Variants in TMEFF1 observed in about 807,000 individuals in gnomAD.
The protein encoded by TMEFF1 is tomoregulin-1.
In TMEFF1, 20 loss-of-function variants were observed where a neutral mutation model predicts 47.5. The ratio of observed to expected loss-of-function variants is 0.42; its 90% CI spans 0.30 to 0.61. The LOEUF (loss-of-function observed/expected upper bound fraction) is 0.61, where lower values mean the gene tolerates loss of function less well. Among genes scored for constraint, TMEFF1 ranks in the 20% least tolerant of loss-of-function variants. TMEFF1 has a pLI of 0.19. For synonymous variants in TMEFF1, 162 were observed against 166.3 expected, an observed-to-expected ratio of 0.97 and a Z score of 0.20; for missense variants, 411 against 471.1, an observed-to-expected ratio of 0.87 and a Z score of 1.18.
At chr9:100,543,014 C>T (rs771792101) in intron 5 of TMEFF1, among the ~76,000 whole-genome samples, 10 of 151,466 alleles carry the variant, frequency 6.6e-5, no homozygotes, top group African/African-American at 1.5e-4. Flanking sequence ...GCGCAACCTC[C>T]GCCTCCTGGC....
At chr9:100,494,974 GAA>G (rs1308613834) in intron 1 of TMEFF1, among the ~76,000 whole-genome samples, 1 of 152,044 alleles carries the variant, frequency 6.6e-6, no homozygotes, top group African/African-American at 2.4e-5. Context: ...CAACAAATCT[GAA>G]ATAATCTCAG....
chr9:100,527,224 C>T (rs1297295187), intron 5 of TMEFF1, among the ~76,000 whole-genome samples: 1 of 151,972 alleles, frequency 6.6e-6, no homozygotes, highest in Non-Finnish European at 1.5e-5. Flanking sequence ...ATGCCTGGAT[C>T]CGGAGGGGAG....
chr9:100,500,572 T>C lies in TMEFF1; in HGVS notation c.306+1698T>C, dbSNP rs531009615. On this transcript the variant is annotated intron_variant, in intron 2 of 9. Transcript: ENST00000374879. ...AATTGTAGATTTTTTATGTTTAGAA[T>C]TTACAGTTTCTGTTTACCTGCTGGG... 2.0e-5 allele frequency among the ~76,000 whole-genome samples: 3 copies of C among 152,350 alleles called. No individual in the cohort carries two copies. In the South Asian group the frequency reaches 6.2e-4, roughly 32 times the overall value.
intron 4 of TMEFF1, among the ~76,000 whole-genome samples, chr9:100,515,475 A>C (rs1431850826): frequency 6.6e-6 from 1 of 152,078 alleles, no homozygotes; most frequent in African/African-American, 2.4e-5. Context: ...TACCTTTTTT[A>C]ACACTATCTT....
In TMEFF1 at chr9:100,541,576, G is replaced by A. The variant is rs544569467; in HGVS notation, c.561-6168G>A. 5.3e-5 allele frequency among the ~76,000 whole-genome samples: 8 copies of A among 151,844 alleles called. No individual in the cohort carries two copies. The South Asian group carries it at 6.2e-4, about 12-fold the overall frequency. On this transcript the variant is annotated intron_variant, in intron 5 of 9. Coordinates refer to ENST00000374879, the MANE Select transcript of TMEFF1 (RefSeq NM_003692.5). ...TTTTAGTAGAGATGGGTTTCACTAC[G>A]TTGGCCAGGTGGGTCTCAAACTCCT...
At chr9:100,483,594 T>A (rs1279291774) in intron 1 of TMEFF1, among the ~76,000 whole-genome samples, 1 of 152,240 alleles carries the variant, frequency 6.6e-6, no homozygotes, top group Admixed American at 6.5e-5. Flanking sequence ...CCAGAAGAGT[T>A]ATTTCCTTGA....
intron 8 of TMEFF1, among the ~76,000 whole-genome samples, chr9:100,571,486 A>G (rs763508182): frequency 6.6e-6 from 1 of 152,210 alleles, no homozygotes; most frequent in Non-Finnish European, 1.5e-5. Context: ...CACCACAGAC[A>G]TGATAACTAT....
At chr9:100,516,085 T>A (rs944794274) in intron 4 of TMEFF1, among the ~76,000 whole-genome samples, 1 of 152,170 alleles carries the variant, frequency 6.6e-6, no homozygotes, top group African/African-American at 2.4e-5. Flanking sequence ...TGTATCTGCA[T>A]ATTTTTGGCT....
intron 1 of TMEFF1, among the ~76,000 whole-genome samples, chr9:100,490,366 C>T (rs1837526479): frequency 6.6e-6 from 1 of 151,922 alleles, no homozygotes; most frequent in Non-Finnish European, 1.5e-5. Context: ...TTCTGATTTC[C>T]TGGGACTTGA....
intron 7 of TMEFF1, among the ~76,000 whole-genome samples, chr9:100,553,855 G>A (rs908160755): frequency 6.6e-6 from 1 of 152,036 alleles, no homozygotes; most frequent in Non-Finnish European, 1.5e-5. Context: ...GTTTTTAAAG[G>A]TGTAATTTAT....
At chr9:100,478,940 A>G (rs1260657081) in intron 1 of TMEFF1, among the ~76,000 whole-genome samples, 1 of 152,228 alleles carries the variant, frequency 6.6e-6, no homozygotes, top group Non-Finnish European at 1.5e-5. Context: ...CGTGATAGAT[A>G]TAAGGTAGAG....
At chr9:100,510,026 GT>G (rs1206544404) in intron 3 of TMEFF1, among the ~76,000 whole-genome samples, 1 of 152,138 alleles carries the variant, frequency 6.6e-6, no homozygotes, top group Non-Finnish European at 1.5e-5. Context: ...AAGGTTAGTG[GT>G]AAAGGTGAAG....
At chr9:100,537,038 T>C (rs1048639488) in intron 5 of TMEFF1, among the ~76,000 whole-genome samples, 3 of 152,226 alleles carry the variant, frequency 2.0e-5, no homozygotes, top group African/African-American at 7.2e-5. Context: ...CATGCTGAGA[T>C]AGATAATCTA....
At position 100,534,556 on chromosome 9, in the gene TMEFF1, A is replaced by G. The variant is rs567510374; in HGVS notation, c.561-13188A>G. Reference sequence around the variant, plus strand: ...AGCTGTAATCACTATAATCAGTAGTATCCGTGGCCTCTGGAGTCTCATATT... The same window carrying G: ...AGCTGTAATCACTATAATCAGTAGTGTCCGTGGCCTCTGGAGTCTCATATT... On this transcript the variant is annotated intron_variant, in intron 5 of 9. Coordinates refer to ENST00000374879, the MANE Select transcript of TMEFF1 (RefSeq NM_003692.5). 2.6e-5 allele frequency among the ~76,000 whole-genome samples: 4 copies of G among 152,332 alleles called. No homozygotes were observed. In the South Asian group the frequency reaches 8.3e-4, roughly 32 times the overall value.
intron 7 of TMEFF1, 64 bp from the exon 8 acceptor site, chr9:100,561,333 T>G: frequency 6.4e-7 from 1 of 1,574,150 alleles, no homozygotes. Flanking sequence ...TCAGAACATT[T>G]GAAAAGTCCT....
At chr9:100,557,457 G>T (rs1242691773) in intron 7 of TMEFF1, among the ~76,000 whole-genome samples, 1 of 152,036 alleles carries the variant, frequency 6.6e-6, no homozygotes, top group Admixed American at 6.6e-5. Flanking sequence ...TCTAGTTTTA[G>T]CCTACTTTTC....
chr9:100,552,248 G>A (rs1838838049), intron 7 of TMEFF1, among the ~76,000 whole-genome samples: 1 of 152,176 alleles, frequency 6.6e-6, no homozygotes, highest in Non-Finnish European at 1.5e-5. Context: ...CCATTTGAAA[G>A]AATGATACCT....
chr9:100,484,890 T>A (rs1837420243), intron 1 of TMEFF1, among the ~76,000 whole-genome samples: 1 of 152,012 alleles, frequency 6.6e-6, no homozygotes, highest in South Asian at 2.1e-4. Context: ...TTGGCCAGGC[T>A]GGTCTCAAAC....
At chr9:100,534,642 CTT>C (rs1362260402) in intron 5 of TMEFF1, among the ~76,000 whole-genome samples, 2 of 152,146 alleles carry the variant, frequency 1.3e-5, no homozygotes, top group Non-Finnish European at 2.9e-5. Flanking sequence ...ATTTAATCTT[CTT>C]TCTTTGTATG....
Sources: allele counts gnomAD v4.1 joint callset (sites outside exome capture counted in the v4.1 genomes callset), GRCh38; gene constraint gnomAD v4.1.1; transcripts MANE v1.5; gene names NCBI Gene and HGNC (gene_info 2026-07-23, HGNC 2026-07-21).